Variants in NOS1AP observed in about 807,000 individuals in gnomAD.
The protein encoded by NOS1AP is carboxyl-terminal PDZ ligand of neuronal nitric oxide synthase protein.
A neutral mutation model predicts 56.2 loss-of-function variants in NOS1AP; 21 were observed. That is an observed-to-expected ratio of 0.37 (90% CI 0.26 to 0.54). The LOEUF (loss-of-function observed/expected upper bound fraction) is 0.54, where lower values mean the gene tolerates loss of function less well. Among genes scored for constraint, NOS1AP ranks in the 20% least tolerant of loss-of-function variants. The pLI is 0.84. For synonymous variants in NOS1AP, 270 were observed against 274.6 expected (o/e 0.98, Z 0.17); for missense variants, 522 against 657.8 (o/e 0.79, Z 2.26).
At chr1:162,250,108 G>T (rs181171341) in intron 2 of NOS1AP, among the ~76,000 whole-genome samples, 1 of 152,278 alleles carries the variant, frequency 6.6e-6, no homozygotes, top group Admixed American at 6.5e-5. Context: ...GGTAGCCAAG[G>T]AGTGCTCTCC....
At chr1:162,099,663 G>T (rs1160825064) in intron 1 of NOS1AP, among the ~76,000 whole-genome samples, 3 of 151,086 alleles carry the variant, frequency 2.0e-5, no homozygotes, top group African/African-American at 4.9e-5. Context: ...TTAAGTTTTA[G>T]GGTACATGTG....
At chr1:162,310,769 G>A (rs1656000176) in intron 4 of NOS1AP, among the ~76,000 whole-genome samples, 1 of 152,044 alleles carries the variant, frequency 6.6e-6, no homozygotes, top group Admixed American at 6.5e-5. Flanking sequence ...CCTTCTACCT[G>A]TCAACCCTGT....
chr1:162,072,059 C>CAGACAGATAGAT (rs1553254077), intron 1 of NOS1AP, among the ~76,000 whole-genome samples: 1 of 141,588 alleles, frequency 7.1e-6, no homozygotes, highest in African/African-American at 2.7e-5. Flanking sequence ...GACCCTGTCT[C>CAGACAGATAGAT]AGATAGATAG....
chr1:162,257,655 A>G (rs1379568118), intron 2 of NOS1AP, among the ~76,000 whole-genome samples: 1 of 151,802 alleles, frequency 6.6e-6, no homozygotes, highest in Non-Finnish European at 1.5e-5. Context: ...TCTCAAAAAA[A>G]AAAAAGAAAA....
chr1:162,151,891 G>C (rs747932934), intron 1 of NOS1AP, among the ~76,000 whole-genome samples: 6 of 152,126 alleles, frequency 3.9e-5, no homozygotes, highest in Non-Finnish European at 5.9e-5. Flanking sequence ...CACCATGACT[G>C]TGTGTGAAGG....
At chr1:162,079,294 A>G (rs1319549338) in intron 1 of NOS1AP, among the ~76,000 whole-genome samples, 1 of 152,232 alleles carries the variant, frequency 6.6e-6, no homozygotes, top group East Asian at 1.9e-4. Context: ...CTGAATATAG[A>G]ACATATGGCC....
chr1:162,325,868 G>C (rs1269284523), intron 4 of NOS1AP, among the ~76,000 whole-genome samples: 1 of 151,842 alleles, frequency 6.6e-6, no homozygotes, highest in Non-Finnish European at 1.5e-5. Flanking sequence ...GACCTCAAGA[G>C]AAAAATCTCT....
chr1:162,193,130 A>T (rs1181398602), intron 2 of NOS1AP, among the ~76,000 whole-genome samples: 1 of 152,130 alleles, frequency 6.6e-6, no homozygotes, highest in Admixed American at 6.6e-5. Context: ...TGAAAAGATG[A>T]CTCTCAGGCT....
intron 4 of NOS1AP, among the ~76,000 whole-genome samples, chr1:162,330,551 G>A (rs528927619): frequency 6.6e-6 from 1 of 152,320 alleles, no homozygotes; most frequent in South Asian, 2.1e-4. Context: ...CTGCAGGCCT[G>A]TGTAGGTCAG....
In NOS1AP at chr1:162,236,997, G is replaced by A. The variant is rs75780704; in HGVS notation, c.178-50347G>A. The stretch of plus-strand genomic sequence containing the variant: ...CCCAGCTCTCCTGGAAACACAATAC[G>A]TGTATGTTTGATGGAATTTATCTTG... On this transcript the variant is annotated intron_variant, in intron 2 of 9. Coordinates refer to ENST00000361897, the MANE Select transcript of NOS1AP (RefSeq NM_014697.3). Among the ~76,000 whole-genome samples, 1,282 of 152,326 alleles carry A rather than the reference G, an allele frequency of 8.4e-3. 10 individuals are homozygous for A. The highest frequency in any genetic ancestry group is 0.015 in the African/African-American group (607 of 41,560).
chr1:162,119,671 C>T lies in NOS1AP; in HGVS notation c.106-34734C>T, dbSNP rs543133777. Among the ~76,000 whole-genome samples, 6 of 152,284 alleles carry T rather than the reference C, an allele frequency of 3.9e-5. No homozygotes were observed. In the South Asian group the frequency reaches 1.2e-3, roughly 32 times the overall value. On this transcript the variant is annotated intron_variant, in intron 1 of 9. Transcript: ENST00000361897. The stretch of plus-strand genomic sequence containing the variant: ...TATTCTTCCCTTACTAAAAATTTAT[C>T]GTAGTCTCCCTAATTCTTTATGCGG...
intron 2 of NOS1AP, among the ~76,000 whole-genome samples, chr1:162,275,877 G>C (rs192771846): frequency 6.6e-6 from 1 of 152,326 alleles, no homozygotes; most frequent in East Asian, 1.9e-4. Context: ...TGCTTTAATA[G>C]AGCGGAGACA....
chr1:162,133,110 C>T (rs560092664), intron 1 of NOS1AP, among the ~76,000 whole-genome samples: 46 of 152,310 alleles, frequency 3.0e-4, no homozygotes, highest in Non-Finnish European at 5.4e-4. Context: ...TGAGTTCATT[C>T]TGTAGCAGCC....
chr1:162,294,231 GA>G (rs1360244669), intron 3 of NOS1AP, among the ~76,000 whole-genome samples: 8 of 150,236 alleles, frequency 5.3e-5, no homozygotes, highest in African/African-American at 9.7e-5. Flanking sequence ...AAGGAAGAAA[GA>G]AAGGAAGGAA....
intron 2 of NOS1AP, among the ~76,000 whole-genome samples, chr1:162,281,554 A>T (rs141514634): frequency 1.8e-3 from 268 of 152,334 alleles, no homozygotes; most frequent in African/African-American, 6.1e-3. Context: ...AGTTGGCTTC[A>T]CTGTGTAGAA....
intron 2 of NOS1AP, among the ~76,000 whole-genome samples, chr1:162,208,468 T>C (rs868046552): frequency 6.6e-6 from 1 of 152,344 alleles, no homozygotes; most frequent in Middle Eastern, 3.4e-3. Flanking sequence ...TTAGCCACCA[T>C]GTATCTACTA....
chr1:162,118,223 A>G (rs1648050998), intron 1 of NOS1AP, among the ~76,000 whole-genome samples: 1 of 152,222 alleles, frequency 6.6e-6, no homozygotes, highest in Admixed American at 6.5e-5. Context: ...ACAGTACCCA[A>G]CAGATGGTTC....
intron 4 of NOS1AP, among the ~76,000 whole-genome samples, chr1:162,321,729 AAAATAT>A (rs951158750): frequency 7.8e-5 from 10 of 127,800 alleles, no homozygotes; most frequent in Middle Eastern, 3.9e-3. Flanking sequence ...TAAAAAAAAA[AAAATAT>A]ATATATATAT....
chr1:162,303,176 C>T (rs1178239742), intron 4 of NOS1AP, among the ~76,000 whole-genome samples: 1 of 152,072 alleles, frequency 6.6e-6, no homozygotes, highest in African/African-American at 2.4e-5. Flanking sequence ...CAAGTCTTTG[C>T]GTGGACATAT....
Sources: allele counts gnomAD v4.1 joint callset (sites outside exome capture counted in the v4.1 genomes callset), GRCh38; gene constraint gnomAD v4.1.1; transcripts MANE v1.5; gene names NCBI Gene and HGNC (gene_info 2026-07-23, HGNC 2026-07-21).